Variants in MKX observed in about 807,000 individuals in gnomAD.
MKX encodes mohawk homeobox.
A neutral mutation model predicts 36.0 loss-of-function variants in MKX; 13 were observed. That is an observed-to-expected ratio of 0.36 (90% CI 0.24 to 0.57). MKX has a LOEUF of 0.57. Among genes scored for constraint, MKX ranks in the 20% least tolerant of loss-of-function variants. The pLI, the probability that MKX is intolerant of heterozygous loss-of-function variation, is 0.79. For missense variants in MKX, 458 were observed against 456.4 expected, an observed-to-expected ratio of 1.00 and a Z score of -0.03; for synonymous variants, 176 against 178.3, an observed-to-expected ratio of 0.99 and a Z score of 0.10.
At chr10:27,722,519 A>G (rs1390378121) in intron 5 of MKX, among the ~76,000 whole-genome samples, 2 of 152,240 alleles carry the variant, frequency 1.3e-5, no homozygotes, top group African/African-American at 4.8e-5. Context: ...ATGATTAATA[A>G]AGGGACTTGC....
intron 1 of MKX, 187 bp from the exon 2 acceptor site, chr10:27,743,684 CG>C (rs2132661233): frequency 2.1e-6 from 1 of 475,610 alleles, no homozygotes; most frequent in East Asian, 3.9e-5. Context: ...GCAGGTTCCC[CG>C]GACAGGTACC....
chr10:27,738,743 T>C (rs1357069276), intron 3 of MKX, among the ~76,000 whole-genome samples: 3 of 152,114 alleles, frequency 2.0e-5, no homozygotes, highest in African/African-American at 7.2e-5. Context: ...ATTCATCATG[T>C]TGACAGAGCA....
chr10:27,712,725 G>A (rs975317623), intron 5 of MKX, among the ~76,000 whole-genome samples: 5 of 152,172 alleles, frequency 3.3e-5, no homozygotes, highest in Non-Finnish European at 5.9e-5. Context: ...GAGGTGGGAG[G>A]ATTTCTTGAG....
intron 3 of MKX, among the ~76,000 whole-genome samples, chr10:27,735,921 T>G (rs1287688730): frequency 6.6e-6 from 1 of 152,150 alleles, no homozygotes; most frequent in Non-Finnish European, 1.5e-5. Flanking sequence ...AAGATGACCT[T>G]GAGTCATCAA....
intron 5 of MKX, among the ~76,000 whole-genome samples, chr10:27,707,311 A>C (rs1024315212): frequency 2.0e-5 from 3 of 152,332 alleles, no homozygotes; most frequent in East Asian, 3.9e-4. Flanking sequence ...ATAGGTGCAT[A>C]TAATCCAGGC....
chr10:27,685,558 C>A (rs960939057), intron 5 of MKX, among the ~76,000 whole-genome samples: 8 of 151,934 alleles, frequency 5.3e-5, no homozygotes, highest in African/African-American at 1.9e-4. Context: ...ACGCCATTCT[C>A]CTGCCTCAGC....
At chr10:27,728,420 C>T (rs1834542338) in intron 5 of MKX, among the ~76,000 whole-genome samples, 2 of 152,334 alleles carry the variant, frequency 1.3e-5, no homozygotes, top group South Asian at 4.1e-4. Context: ...AAAAGATCTG[C>T]CAAGGCATCT....
chr10:27,738,279 G>T (rs796147134), intron 3 of MKX, among the ~76,000 whole-genome samples: 66 of 152,134 alleles, frequency 4.3e-4, no homozygotes, highest in African/African-American at 1.5e-3. Flanking sequence ...CCTGCAAACA[G>T]CAAATAGTTA....
intron 5 of MKX, among the ~76,000 whole-genome samples, chr10:27,697,109 C>A (rs11015954): frequency 0.099 from 15,068 of 152,204 alleles, 1,878 homozygotes; most frequent in African/African-American, 0.27. Flanking sequence ...TTTTCAAATA[C>A]TCCTGGTATT....
At chr10:27,723,337 T>A (rs1834420658) in intron 5 of MKX, among the ~76,000 whole-genome samples, 1 of 152,168 alleles carries the variant, frequency 6.6e-6, no homozygotes, top group African/African-American at 2.4e-5. Context: ...CAAGACCAGT[T>A]GCACTAGTGA....
intron 5 of MKX, among the ~76,000 whole-genome samples, chr10:27,685,910 T>A (rs1041742048): frequency 6.6e-6 from 1 of 152,028 alleles, no homozygotes; most frequent in Non-Finnish European, 1.5e-5. Flanking sequence ...AGCTTTTGAA[T>A]GAGTAAAGAG....
chr10:27,711,827 C>A (rs959833468), intron 5 of MKX, among the ~76,000 whole-genome samples: 1 of 151,606 alleles, frequency 6.6e-6, no homozygotes, highest in Non-Finnish European at 1.5e-5. Context: ...CTCAAGCAAT[C>A]CTCCTGCTCT....
At chr10:27,692,927 G>A (rs1260535095) in intron 5 of MKX, among the ~76,000 whole-genome samples, 5 of 152,192 alleles carry the variant, frequency 3.3e-5, no homozygotes, top group African/African-American at 4.8e-5. Flanking sequence ...TCCACCAGGC[G>A]AACAGCTTGG....
At chr10:27,739,509 T>C (rs976455215) in intron 3 of MKX, among the ~76,000 whole-genome samples, 1 of 152,160 alleles carries the variant, frequency 6.6e-6, no homozygotes, top group African/African-American at 2.4e-5. Context: ...ATTTTAAAAA[T>C]GTAATAGCCT....
chr10:27,743,161 G>A (rs1834948726), intron 2 of MKX, 67 bp downstream of exon 2: 2 of 1,359,930 alleles, frequency 1.5e-6, no homozygotes, highest in Non-Finnish European at 1.9e-6. Context: ...ACGGGACCCC[G>A]TCACAGCTCA....
Position 27,744,039 on chromosome 10 carries a change from C to T in MKX, c.-82-542G>A, listed in dbSNP as rs1834987639. ...GCCATACCGGGATTTGGGGGATTTT[C>T]GTGTTTTCTAGATCGTGGATGGTTT... On this transcript the variant is annotated intron_variant, in intron 1 of 6. Transcript: ENST00000419761. The surrounding 1 kb of genome is among the most constrained non-coding windows in gnomAD (Gnocchi z 5.6). Among the ~76,000 whole-genome samples the T allele has an allele frequency of 6.6e-6, 1 of 152,084 alleles. No individual in the cohort carries two copies. The highest frequency in any genetic ancestry group is 2.4e-5 in the African/African-American group (1 of 41,418).
intron 1 of MKX, among the ~76,000 whole-genome samples, chr10:27,743,991 A>AC (rs1470768005): frequency 6.6e-6 from 1 of 151,194 alleles, no homozygotes; most frequent in African/African-American, 2.4e-5. Flanking sequence ...TATCCACAAG[A>AC]CCCCCCAGCT....
At chr10:27,677,230 A>C (rs1011364335) in intron 5 of MKX, among the ~76,000 whole-genome samples, 2 of 152,290 alleles carry the variant, frequency 1.3e-5, no homozygotes, top group South Asian at 4.1e-4. Context: ...TGGAAAACGC[A>C]AGGCCCTCTG....
At chr10:27,726,915 T>C (rs1834502849) in intron 5 of MKX, among the ~76,000 whole-genome samples, 2 of 152,122 alleles carry the variant, frequency 1.3e-5, no homozygotes, top group African/African-American at 4.8e-5. Context: ...GAAACATTTA[T>C]AGAGTAAATA....
Sources: gnomAD v4.1 joint callset for allele counts (sites outside exome capture counted in the v4.1 genomes callset) on GRCh38, gnomAD v4.1.1 for gene constraint, Gnocchi (gnomAD v3.1) non-coding constraint, MANE v1.5 for transcripts, NCBI Gene and HGNC (gene_info 2026-07-23, HGNC 2026-07-21) for gene names.